RLF: variants seen among roughly 807,000 people sequenced by gnomAD.
The protein encoded by RLF is RLF zinc finger.
A neutral mutation model predicts 162.9 loss-of-function variants in RLF; 7 were observed. The observed-to-expected ratio is 0.04, with a 90% CI of 0.02 to 0.08. The LOEUF is 0.08. Among genes scored for constraint, RLF ranks in the 10% least tolerant of loss-of-function variants. The probability of loss-of-function intolerance (pLI) is 1.00; values close to 1 mark genes in which losing one functional copy is unlikely to be tolerated. For missense variants in RLF, 1,664 were observed against 2,244.7 expected (o/e 0.74, Z 5.23); for synonymous variants, 782 against 791.5 (o/e 0.99, Z 0.20).
chr1:40,229,746 C>G (rs1480728229), intron 6 of RLF, among the ~76,000 whole-genome samples: 1 of 151,998 alleles, frequency 6.6e-6, no homozygotes, highest in Non-Finnish European at 1.5e-5. Flanking sequence ...AGACACCACG[C>G]CCGGCCAGTC....
At chr1:40,218,356 G>A (rs1642952757) in intron 5 of RLF, among the ~76,000 whole-genome samples, 1 of 152,106 alleles carries the variant, frequency 6.6e-6, no homozygotes, top group Admixed American at 6.6e-5. Flanking sequence ...AACTCCCTTG[G>A]CTGGTTACTT....
In RLF at chr1:40,237,464, C is replaced by T; in HGVS notation, c.2762C>T (p.Thr921Ile). 1 of 1,614,002 alleles carries T rather than the reference C, an allele frequency of 6.2e-7. No individual in the cohort carries two copies. Among genetic ancestry groups the T allele is most frequent in the Non-Finnish European group, 8.5e-7 (1 of 1,179,974 alleles). ...ATTGACACACTAGATCACTCTGAAA[C>T]TATGCAGGATGTATTGTTATCTAAT... ...ELIDTLDHSE[T>I]MQDVLLSNEK... is the part of the protein sequence containing the mutation. Residue 921 changes from threonine to isoleucine, a missense_variant, in exon 8 of 8, where the codon ACT becomes ATT. Around this residue, in one of 15 missense-constraint regions of RLF, gnomAD observed 295 missense variants for 317.4 expected, o/e 0.93. Coordinates refer to ENST00000372771, the MANE Select transcript of RLF (RefSeq NM_012421.4). The surrounding 1 kb of genome is among the most constrained non-coding windows in gnomAD (Gnocchi z 4.4).
At chr1:40,232,058 A>T (rs1472399150) in intron 7 of RLF, among the ~76,000 whole-genome samples, 1 of 152,078 alleles carries the variant, frequency 6.6e-6, no homozygotes, top group Admixed American at 6.5e-5. Context: ...AAATACAAAA[A>T]TTAGCCGGGC....
Position 40,189,455 on chromosome 1 carries a change from GATATA to G in RLF, c.392+247_392+251del, listed in dbSNP as rs748883755. ...CTATTCAGGCTTGGAATCTGAGAAT[GATATA>G]TTTCTATCCCTTAGGTATAGATTGA... On this transcript the variant is annotated intron_variant, in intron 2 of 7. Transcript: ENST00000372771. Among the ~76,000 whole-genome samples, 8 of 152,272 alleles carry G rather than the reference GATATA, an allele frequency of 5.3e-5. No individual in the cohort carries two copies. The East Asian group carries it at 5.8e-4, about 11-fold the overall frequency.
chr1:40,227,986 G>A (rs1643100329), intron 6 of RLF, among the ~76,000 whole-genome samples: 1 of 152,014 alleles, frequency 6.6e-6, no homozygotes, highest in African/African-American at 2.4e-5. Context: ...CTGAGGGACA[G>A]AGCAAGGCTC....
chr1:40,179,877 A>C (rs1642384063), intron 1 of RLF, among the ~76,000 whole-genome samples: 1 of 152,128 alleles, frequency 6.6e-6, no homozygotes, highest in African/African-American at 2.4e-5. Context: ...GCCATATTTC[A>C]CTTAATATAG....
Position 40,161,490 on chromosome 1 carries a change from G to A in RLF, c.91G>A (p.Glu31Lys), listed in dbSNP as rs752677423. Residue 31 changes from glutamate (E) to lysine (K), a missense_variant, in exon 1 of 8, where the codon GAG (glutamate) becomes AAG (lysine). By Grantham distance (56) the Glu-to-Lys change is moderately conservative (BLOSUM62 1). Coordinates refer to ENST00000372771, the MANE Select transcript of RLF (RefSeq NM_012421.4). This position sits in a 1 kb window ranked among gnomAD's most constrained non-coding sequence, Gnocchi z 4.4. Reference protein sequence around the residue: ...VAGAGDGVETESMVRGHRPVS... With the variant: ...VAGAGDGVETKSMVRGHRPVS... ...GGGAGCCGGAGATGGAGTCGAGACT[G>A]AGTCCATGGTTCGGGGTCATCGCCC... is the stretch of plus-strand genomic sequence containing the variant. The A allele has an allele frequency of 6.3e-7, 1 of 1,599,256 alleles. No homozygotes were observed. The highest frequency in any genetic ancestry group is 8.5e-7 in the Non-Finnish European group (1 of 1,173,802).
intron 1 of RLF, among the ~76,000 whole-genome samples, chr1:40,163,329 G>C (rs916400527): frequency 6.6e-6 from 1 of 152,072 alleles, no homozygotes; most frequent in African/African-American, 2.4e-5. Flanking sequence ...TGGAAGGAGA[G>C]GGGTGGTGCA....
chr1:40,180,970 G>T (rs1642398319), intron 1 of RLF, among the ~76,000 whole-genome samples: 1 of 152,214 alleles, frequency 6.6e-6, no homozygotes, highest in South Asian at 2.1e-4. Flanking sequence ...CAAATCCAAT[G>T]TAATGAAGCT....
chr1:40,165,109 A>G (rs544065198), intron 1 of RLF, among the ~76,000 whole-genome samples: 11 of 152,242 alleles, frequency 7.2e-5, no homozygotes, highest in South Asian at 2.1e-4. Context: ...ATAAGAAAAT[A>G]TCTATTTTTA....
chr1:40,206,912 C>G (rs1379369686), intron 5 of RLF, among the ~76,000 whole-genome samples: 1 of 152,184 alleles, frequency 6.6e-6, no homozygotes. Flanking sequence ...ATCAGAGAGG[C>G]CTTCCTCGCT....
At chr1:40,214,813 T>C (rs1642903031) in intron 5 of RLF, among the ~76,000 whole-genome samples, 1 of 148,956 alleles carries the variant, frequency 6.7e-6, no homozygotes, top group Admixed American at 6.8e-5. Context: ...GTCCCAGCTA[T>C]TCATGAGACT....
chr1:40,230,554 T>C (rs1266524120), intron 6 of RLF, among the ~76,000 whole-genome samples: 1 of 152,114 alleles, frequency 6.6e-6, no homozygotes, highest in Non-Finnish European at 1.5e-5. Flanking sequence ...GTTCTCAGCC[T>C]CCCAAGTAGC....
chr1:40,237,484 T>A lies in RLF; in HGVS notation c.2782T>A (p.Ser928Thr). 1 of 1,614,142 alleles carries A rather than the reference T, an allele frequency of 6.2e-7. No homozygotes were observed. Among genetic ancestry groups the A allele is most frequent in the Non-Finnish European group, 8.5e-7 (1 of 1,180,002 alleles). Residue 928 changes from serine to threonine, a missense_variant, in exon 8 of 8, where the codon TCT (serine) becomes ACT (threonine). Ser to Thr is a moderately conservative substitution (Grantham distance 58, BLOSUM62 1). Coordinates refer to ENST00000372771, the MANE Select transcript of RLF (RefSeq NM_012421.4). The surrounding 1 kb of genome is among the most constrained non-coding windows in gnomAD (Gnocchi z 4.4). ...TGAAACTATGCAGGATGTATTGTTA[T>A]CTAATGAGAAAGTCTTTGGGCCCTC... ...HSETMQDVLL[S>T]NEKVFGPSSL...
At chr1:40,168,279 TTCTC>T in intron 1 of RLF, among the ~76,000 whole-genome samples, 1 of 152,248 alleles carries the variant, frequency 6.6e-6, no homozygotes, top group South Asian at 2.1e-4. Flanking sequence ...GACAGAGTCT[TTCTC>T]TGTTGCCCAG....
At chr1:40,232,479 G>T (rs1643164933) in intron 7 of RLF, among the ~76,000 whole-genome samples, 1 of 152,156 alleles carries the variant, frequency 6.6e-6, no homozygotes, top group Admixed American at 6.6e-5. Flanking sequence ...AGTTTGCCAG[G>T]CTAAGTTCTA....
At chr1:40,213,060 T>TCTTAATA (rs1379857503) in intron 5 of RLF, among the ~76,000 whole-genome samples, 4 of 152,194 alleles carry the variant, frequency 2.6e-5, no homozygotes, top group Non-Finnish European at 5.9e-5. Flanking sequence ...ATTTTGAAAG[T>TCTTAATA]CTTAATACTT....
intron 1 of RLF, among the ~76,000 whole-genome samples, chr1:40,171,734 A>T (rs190950447): frequency 2.0e-5 from 3 of 152,208 alleles, no homozygotes; most frequent in Non-Finnish European, 4.4e-5. Context: ...GGAAAAATAC[A>T]TATAGAATGT....
At chr1:40,208,869 G>T (rs559528440) in intron 5 of RLF, among the ~76,000 whole-genome samples, 13 of 152,248 alleles carry the variant, frequency 8.5e-5, no homozygotes, top group African/African-American at 3.1e-4. Context: ...TCTGAGAGAT[G>T]ATATTACTGG....
Sources: allele counts gnomAD v4.1 joint callset (sites outside exome capture counted in the v4.1 genomes callset), GRCh38; gene constraint gnomAD v4.1.1; regional missense constraint gnomAD v4.1.1; non-coding constraint Gnocchi (gnomAD v3.1); transcripts MANE v1.5; gene names NCBI Gene and HGNC (gene_info 2026-07-23, HGNC 2026-07-21).